The following ATP2B2 variants were observed in gnomAD, a reference collection of about 807,000 sequenced individuals.
ATP2B2 encodes ATPase plasma membrane Ca2+ transporting 2.
Under a neutral mutation model 120.0 loss-of-function variants are expected in ATP2B2, and 15 were observed. That is an observed-to-expected ratio of 0.12 (90% CI 0.08 to 0.19). The LOEUF is 0.19. ATP2B2 is among the 10% of genes least tolerant of loss of function. The probability of loss-of-function intolerance (pLI) is 1.00; values close to 1 mark genes in which losing one functional copy is unlikely to be tolerated. For synonymous variants in ATP2B2, 694 were observed against 700.3 expected (o/e 0.99, Z 0.14); for missense variants, 1,045 against 1,719.8 (o/e 0.61, Z 6.94).
chr3:10,453,703 C>T (rs681997), intron 1 of ATP2B2, among the ~76,000 whole-genome samples: 105,010 of 152,102 alleles, frequency 0.69, 40,950 homozygotes, highest in Non-Finnish European at 0.87. Flanking sequence ...CTGATAATTA[C>T]GTCTCTGACA....
At chr3:10,424,470 A>G (rs2063086330) in intron 2 of ATP2B2, among the ~76,000 whole-genome samples, 1 of 152,234 alleles carries the variant, frequency 6.6e-6, no homozygotes, top group African/African-American at 2.4e-5. Context: ...TAGGGATGCC[A>G]AGCACCTGAA....
intron 1 of ATP2B2, among the ~76,000 whole-genome samples, chr3:10,656,140 G>A (rs879462036): frequency 6.6e-6 from 1 of 152,176 alleles, no homozygotes; most frequent in African/African-American, 2.4e-5. Flanking sequence ...TTGGAGGAGG[G>A]AAGGTAGGGG....
intron 1 of ATP2B2, among the ~76,000 whole-genome samples, chr3:10,689,143 T>C (rs1161368106): frequency 6.6e-6 from 1 of 152,228 alleles, no homozygotes; most frequent in Non-Finnish European, 1.5e-5. Context: ...GTGATCTAGA[T>C]AAGGAGCAAA....
chr3:10,388,468 A>G lies in ATP2B2; in HGVS notation c.782-66T>C, dbSNP rs1050365612. The G allele has an allele frequency of 3.1e-6, 5 of 1,612,644 alleles. No homozygotes were observed. The African/African-American group carries it at 6.7e-5, about 22-fold the overall frequency. On this transcript the variant is annotated intron_variant, in intron 5 of 22. Transcript: ENST00000360273. ...GAAGCCGTCTCCCCAAAGGAGTGAA[A>G]AAATGTGGTCTCAGTCAGCTCCTGG... is the stretch of plus-strand genomic sequence containing the variant.
intron 2 of ATP2B2, among the ~76,000 whole-genome samples, chr3:10,421,244 G>A (rs1010557195): frequency 1.3e-5 from 2 of 152,176 alleles, no homozygotes; most frequent in Non-Finnish European, 2.9e-5. Context: ...GAGACATGGG[G>A]CTTATTGCTG....
chr3:10,617,348 T>C lies in ATP2B2; in HGVS notation c.-415+2569A>G, dbSNP rs549117607. Among the ~76,000 whole-genome samples the C allele has an allele frequency of 5.3e-5, 8 of 152,320 alleles. No individual in the cohort carries two copies. The South Asian group carries it at 1.5e-3, about 28-fold the overall frequency. On this transcript the variant is annotated intron_variant, in intron 2 of 21. Coordinates refer to the ATP2B2 transcript ENST00000646379. ...AAGATTCCCAGGGTTTCTGTTATAA[T>C]TTTAGATAAAATAAAAAGAAACAAA...
chr3:10,409,764 G>A (rs1229069798), intron 3 of ATP2B2, among the ~76,000 whole-genome samples: 2 of 152,100 alleles, frequency 1.3e-5, no homozygotes, highest in Admixed American at 1.3e-4. Flanking sequence ...GGAAAATGAG[G>A]CCCATAATGT....
chr3:10,637,300 T>C (rs1228846345), intron 1 of ATP2B2, among the ~76,000 whole-genome samples: 1 of 151,984 alleles, frequency 6.6e-6, no homozygotes, highest in Non-Finnish European at 1.5e-5. Flanking sequence ...ATGCAAAGAA[T>C]CAGGAAATTA....
chr3:10,667,449 G>A (rs1256280028), intron 1 of ATP2B2, among the ~76,000 whole-genome samples: 1 of 152,196 alleles, frequency 6.6e-6, no homozygotes, highest in Admixed American at 6.5e-5. Context: ...AGGTAGCAGG[G>A]AAAGGCTGGG....
At chr3:10,587,675 G>A (rs1266305485) in intron 2 of ATP2B2, among the ~76,000 whole-genome samples, 1 of 152,272 alleles carries the variant, frequency 6.6e-6, no homozygotes, top group East Asian at 1.9e-4. Flanking sequence ...CCACCGCGCT[G>A]GGCCTAGTTT....
At chr3:10,681,642 C>T (rs147079473) in intron 1 of ATP2B2, among the ~76,000 whole-genome samples, 379 of 152,326 alleles carry the variant, frequency 2.5e-3, no homozygotes, top group African/African-American at 8.6e-3. Flanking sequence ...GCACTTACTA[C>T]TTGGTAACAA....
chr3:10,520,137 T>C (rs1168995290), intron 3 of ATP2B2, among the ~76,000 whole-genome samples: 1 of 152,234 alleles, frequency 6.6e-6, no homozygotes, highest in Non-Finnish European at 1.5e-5. Flanking sequence ...CCATGGTTTC[T>C]GGATTCTGGA....
chr3:10,418,178 C>T (rs891455578), intron 2 of ATP2B2, among the ~76,000 whole-genome samples: 3 of 152,134 alleles, frequency 2.0e-5, no homozygotes, highest in African/African-American at 7.2e-5. Context: ...CAGCATGCAT[C>T]GAGCTGTCAA....
At chr3:10,560,756 G>A (rs1381270380) in intron 2 of ATP2B2, among the ~76,000 whole-genome samples, 2 of 152,152 alleles carry the variant, frequency 1.3e-5, no homozygotes, top group Non-Finnish European at 2.9e-5. Flanking sequence ...AGGGGCTTCT[G>A]GGGGCTGGAT....
chr3:10,673,026 C>A (rs1476535312), intron 1 of ATP2B2, among the ~76,000 whole-genome samples: 1 of 152,162 alleles, frequency 6.6e-6, no homozygotes, highest in African/African-American at 2.4e-5. Context: ...GACCTGGGTG[C>A]ATTTTCTCCT....
intron 1 of ATP2B2, among the ~76,000 whole-genome samples, chr3:10,475,538 A>T (rs779829156): frequency 2.6e-5 from 4 of 152,200 alleles, no homozygotes; most frequent in Non-Finnish European, 5.9e-5. Flanking sequence ...TTCCAGCTCT[A>T]CTACTTGCCA....
At chr3:10,630,718 C>T (rs1356297105) in intron 1 of ATP2B2, among the ~76,000 whole-genome samples, 1 of 152,180 alleles carries the variant, frequency 6.6e-6, no homozygotes, top group Non-Finnish European at 1.5e-5. Context: ...TGCATTTATA[C>T]TGCACTTAAA....
At chr3:10,496,781 T>C (rs963859598) in intron 1 of ATP2B2, among the ~76,000 whole-genome samples, 3 of 152,152 alleles carry the variant, frequency 2.0e-5, no homozygotes, top group South Asian at 4.1e-4. Flanking sequence ...AAAAGGCTTG[T>C]TTCAAAGATG....
chr3:10,455,709 T>C (rs1308856447), intron 1 of ATP2B2, among the ~76,000 whole-genome samples: 1 of 151,898 alleles, frequency 6.6e-6, no homozygotes, highest in Non-Finnish European at 1.5e-5. Flanking sequence ...ACAGGGCATA[T>C]AGCCAGACCT....
Sources: allele counts gnomAD v4.1 joint callset (sites outside exome capture counted in the v4.1 genomes callset), GRCh38; gene constraint gnomAD v4.1.1; transcripts MANE v1.5; gene names NCBI Gene and HGNC (gene_info 2026-07-23, HGNC 2026-07-21).